CRYZL1: variants seen among roughly 807,000 people sequenced by gnomAD.
CRYZL1 encodes the protein ferry endosomal RAB5 effector complex subunit 4.
In CRYZL1, 34 loss-of-function variants were observed where a neutral mutation model predicts 50.6. The observed-to-expected ratio is 0.67, with a 90% CI of 0.51 to 0.89. CRYZL1 has a LOEUF of 0.89. Among genes scored for constraint, CRYZL1 ranks in the 40% least tolerant of loss-of-function variants. CRYZL1 has a pLI of 0.00. For synonymous variants in CRYZL1, 125 were observed against 134.3 expected (o/e 0.93, Z 0.48); for missense variants, 354 against 402.3 (o/e 0.88, Z 1.03).
At chr21:33,597,148 G>A (rs2086703071) in intron 10 of CRYZL1, 132 bp downstream of exon 10, 1 of 851,480 alleles carries the variant, frequency 1.2e-6, no homozygotes, top group Non-Finnish European at 1.9e-6. Context: ...GGACTCATAG[G>A]TGTGAGCCAC....
Position 33,614,124 on chromosome 21 carries a change from A to T in CRYZL1, c.263-518T>A, listed in dbSNP as rs1159338944. Among the ~76,000 whole-genome samples the T allele has an allele frequency of 2.0e-5, 3 of 148,968 alleles. No individual in the cohort carries two copies. In the Admixed American group the frequency reaches 2.0e-4, roughly 10 times the overall value. ...GAGGTGGAGGTTGTAGTGAGCTGAG[A>T]TTACACCACTGCATTCCAGCCCGGC... On this transcript the variant is annotated intron_variant, in intron 5 of 12. Transcript: ENST00000381554.
chr21:33,592,967 G>A (rs950950022), intron 11 of CRYZL1, among the ~76,000 whole-genome samples: 2 of 151,324 alleles, frequency 1.3e-5, no homozygotes, highest in African/African-American at 4.9e-5. Flanking sequence ...CAGGAGAATT[G>A]CTTGAACCTG....
chr21:33,605,527 A>ATTATTTTTTTTTTTTTTTTTT (rs1555904645), intron 6 of CRYZL1, among the ~76,000 whole-genome samples: 7 of 14,824 alleles, frequency 4.7e-4, no homozygotes, highest in East Asian at 4.3e-3. Flanking sequence ...CAGTACAAGA[A>ATTATTTTTTTTTTTTTTTTTT]TTCTTTTTTT....
rs796517516 is a variant in CRYZL1 at position 33,621,060 on chromosome 21, C to T, written c.217+936G>A. ...AGCTGGGACTACAGGCGCCCGCCAC[C>T]TCGCCCGGCTAATTTTTTGTATTTT... On this transcript the variant is annotated intron_variant, in intron 4 of 12. Coordinates refer to ENST00000381554, the MANE Select transcript of CRYZL1 (RefSeq NM_145858.3). Among the ~76,000 whole-genome samples the T allele has an allele frequency of 9.0e-3, 1,331 of 148,424 alleles. 27 individuals carry two copies. The highest frequency in any genetic ancestry group is 0.032 in the African/African-American group (1,296 of 40,526).
Position 33,640,954 on chromosome 21 carries a change from A to C in CRYZL1, c.-7+727T>G, listed in dbSNP as rs1428677387. 2.6e-5 allele frequency among the ~76,000 whole-genome samples: 4 copies of C among 152,370 alleles called. No individual in the cohort carries two copies. In the East Asian group the frequency reaches 5.8e-4, roughly 22 times the overall value. On this transcript the variant is annotated intron_variant, in intron 1 of 12. Coordinates refer to ENST00000381554, the MANE Select transcript of CRYZL1 (RefSeq NM_145858.3). ...GAAATGATAATGTCTCAGATATACT[A>C]GGCTAAATGAAACATATAATTAAAA...
chr21:33,596,118 G>A (rs1285875029), intron 10 of CRYZL1: 1 of 583,808 alleles, frequency 1.7e-6, no homozygotes, highest in African/African-American at 1.8e-5. Context: ...CTTCATGAGG[G>A]TGTTGGAAAA....
At chr21:33,638,117 T>A (rs1027463755) in intron 1 of CRYZL1, among the ~76,000 whole-genome samples, 1 of 151,870 alleles carries the variant, frequency 6.6e-6, no homozygotes, top group Non-Finnish European at 1.5e-5. Context: ...TTAAAAAGAA[T>A]ATAGTCACCA....
At chr21:33,590,846 C>T (rs1238717493) in intron 12 of CRYZL1, among the ~76,000 whole-genome samples, 1 of 152,224 alleles carries the variant, frequency 6.6e-6, no homozygotes, top group Non-Finnish European at 1.5e-5. Context: ...GGGTGAGGTA[C>T]ACTACATAAT....
chr21:33,596,213 C>T (rs191980720), intron 10 of CRYZL1: 5 of 480,906 alleles, frequency 1.0e-5, no homozygotes, highest in Admixed American at 2.4e-5. Flanking sequence ...AAAAATATAA[C>T]CTTGAGAGAT....
At chr21:33,616,285 C>T (rs188366834) in intron 5 of CRYZL1, 2 of 153,416 alleles carry the variant, frequency 1.3e-5, no homozygotes, top group East Asian at 3.8e-4. Flanking sequence ...ACCAGGAAAG[C>T]ATTTCTTTCT....
At chr21:33,613,241 T>G (rs1167226671) in intron 6 of CRYZL1, among the ~76,000 whole-genome samples, 1 of 152,212 alleles carries the variant, frequency 6.6e-6, no homozygotes, top group African/African-American at 2.4e-5. Flanking sequence ...TAATTCTGAT[T>G]AGGTATATAA....
intron 4 of CRYZL1, among the ~76,000 whole-genome samples, chr21:33,620,213 C>CTT (rs1178460391): frequency 6.6e-6 from 1 of 152,180 alleles, no homozygotes; most frequent in Non-Finnish European, 1.5e-5. Context: ...CAAATATACT[C>CTT]TAACATACCT....
chr21:33,639,015 T>G (rs2087244669), intron 1 of CRYZL1, among the ~76,000 whole-genome samples: 1 of 152,346 alleles, frequency 6.6e-6, no homozygotes, highest in Middle Eastern at 3.4e-3. Context: ...TGGCATAATC[T>G]CTACATCTTA....
At chr21:33,620,280 C>T (rs1276351748) in intron 4 of CRYZL1, among the ~76,000 whole-genome samples, 2 of 152,038 alleles carry the variant, frequency 1.3e-5, no homozygotes, top group East Asian at 3.9e-4. Flanking sequence ...TCATGAACCA[C>T]CTGTTAGTGA....
chr21:33,592,396 C>G (rs990988028), intron 11 of CRYZL1, among the ~76,000 whole-genome samples: 2 of 152,058 alleles, frequency 1.3e-5, no homozygotes, highest in Non-Finnish European at 2.9e-5. Flanking sequence ...CTCAGCCTCC[C>G]AAAGTGCTGG....
intron 2 of CRYZL1, among the ~76,000 whole-genome samples, chr21:33,630,957 G>A (rs1031690327): frequency 6.6e-6 from 1 of 152,142 alleles, no homozygotes; most frequent in Non-Finnish European, 1.5e-5. Flanking sequence ...TTGCATAGAC[G>A]TAGAGAGTCC....
At chr21:33,620,408 C>T (rs1400639906) in intron 4 of CRYZL1, among the ~76,000 whole-genome samples, 1 of 151,902 alleles carries the variant, frequency 6.6e-6, no homozygotes, top group Non-Finnish European at 1.5e-5. Context: ...TCATTCTATT[C>T]AATATATGAT....
rs764185960 is a variant in CRYZL1 at position 33,600,933 on chromosome 21, G to GTTTTTTTTT, written c.577+1292_577+1300dup. 4.9e-3 allele frequency among the ~76,000 whole-genome samples: 290 copies of GTTTTTTTTT among 59,544 alleles called. 114 individuals are homozygous for GTTTTTTTTT. Among genetic ancestry groups the GTTTTTTTTT allele is most frequent in the South Asian group, 7.5e-3 (12 of 1,596 alleles). The allele number at this position is 59,544 out of a possible 152,430, so 39.1% of individuals were successfully genotyped here. A position where few individuals can be genotyped will look rare whatever the true frequency, so the allele number is the denominator to read the frequency against. On this transcript the variant is annotated intron_variant, in intron 8 of 12. Coordinates refer to ENST00000381554, the MANE Select transcript of CRYZL1 (RefSeq NM_145858.3). The stretch of plus-strand genomic sequence containing the variant: ...TGAGCCACTGTGCCCGGTCCATAAA[G>GTTTTTTTTT]TTTTTTTTTTTTTTTTTTTTGGGGG...
intron 5 of CRYZL1, among the ~76,000 whole-genome samples, chr21:33,614,696 C>T (rs1199136764): frequency 2.0e-5 from 3 of 152,136 alleles, no homozygotes; most frequent in African/African-American, 4.8e-5. Context: ...CTCAGCCTCC[C>T]GAGTAGCTGG....
Sources: gnomAD v4.1 joint callset for allele counts (sites outside exome capture counted in the v4.1 genomes callset) on GRCh38, gnomAD v4.1.1 for gene constraint, MANE v1.5 for transcripts, NCBI Gene and HGNC (gene_info 2026-07-23, HGNC 2026-07-21) for gene names.